RGS8: variants seen among roughly 807,000 people sequenced by gnomAD.
RGS8 encodes the protein regulator of G protein signaling 8.
A neutral mutation model predicts 21.7 loss-of-function variants in RGS8; 8 were observed. The ratio of observed to expected loss-of-function variants is 0.37; its 90% CI spans 0.22 to 0.66. The LOEUF is 0.66. Ranked by LOEUF, RGS8 falls within the 30% of genes least tolerant of loss-of-function variation. RGS8 has a pLI of 0.59. For synonymous variants in RGS8, 80 were observed against 83.6 expected (o/e 0.96, Z 0.24); for missense variants, 157 against 217.9 (o/e 0.72, Z 1.76).
At chr1:182,715,778 C>T in the RGS8 span, among the ~76,000 whole-genome samples, 32 of 152,260 alleles carry the variant, frequency 2.1e-4, no homozygotes, top group African/African-American at 7.2e-4. Context: ...AGAATTGTGG[C>T]TTTTCTCGGC....
chr1:182,691,884 G>A, the RGS8 span, among the ~76,000 whole-genome samples: 1 of 152,054 alleles, frequency 6.6e-6, no homozygotes, highest in Non-Finnish European at 1.5e-5. Flanking sequence ...TCTCTTCACA[G>A]ACAATATAAT....
the RGS8 span, among the ~76,000 whole-genome samples, chr1:182,741,352 C>T: frequency 2.1e-5 from 2 of 95,800 alleles, no homozygotes; most frequent in Non-Finnish European, 4.2e-5. Context: ...GCTGGCCGGG[C>T]GGGGGGGCTG....
chr1:182,705,130 C>T, the RGS8 span, among the ~76,000 whole-genome samples: 19 of 152,048 alleles, frequency 1.2e-4, no homozygotes, highest in Non-Finnish European at 2.5e-4. Flanking sequence ...AAAATAAATT[C>T]ATTATGAGAG....
intron 1 of RGS8, among the ~76,000 whole-genome samples, chr1:182,678,484 G>A (rs1664440432): frequency 6.6e-6 from 1 of 152,178 alleles, no homozygotes; most frequent in Non-Finnish European, 1.5e-5. Context: ...GAGGTTTAGA[G>A]TGGGTATAAC....
At chr1:182,685,181 G>A (rs1004779418), upstream of RGS8, among the ~76,000 whole-genome samples, 1 of 152,070 alleles carries the variant, frequency 6.6e-6, no homozygotes, top group Non-Finnish European at 1.5e-5. Context: ...AAGCCTGACT[G>A]TCCCCTCGAC....
the RGS8 span, among the ~76,000 whole-genome samples, chr1:182,720,479 C>A: frequency 2.6e-5 from 4 of 152,158 alleles, no homozygotes; most frequent in African/African-American, 7.2e-5. Flanking sequence ...TATCTCATTT[C>A]TCTGCTCAAA....
At chr1:182,648,763 C>T (rs1662835586) in intron 5 of RGS8, among the ~76,000 whole-genome samples, 1 of 151,910 alleles carries the variant, frequency 6.6e-6, no homozygotes. Context: ...ACCCCATTCT[C>T]TTAGACACAA....
At chr1:182,731,502 A>G in the RGS8 span, among the ~76,000 whole-genome samples, 1 of 152,236 alleles carries the variant, frequency 6.6e-6, no homozygotes, top group Non-Finnish European at 1.5e-5. Flanking sequence ...AAAAGATGAA[A>G]AAGTCTTCTT....
intron 1 of RGS8, among the ~76,000 whole-genome samples, chr1:182,678,346 G>A (rs1664436522): frequency 1.3e-5 from 2 of 152,200 alleles, no homozygotes; most frequent in South Asian, 4.1e-4. Context: ...AATACAGAAG[G>A]AGGAGACTAT....
At chr1:182,738,908 G>GA in the RGS8 span, among the ~76,000 whole-genome samples, 1 of 152,224 alleles carries the variant, frequency 6.6e-6, no homozygotes, top group Middle Eastern at 3.2e-3. Context: ...GCAAGAGGAT[G>GA]AAGGTCGATG....
intron 6 of RGS8, among the ~76,000 whole-genome samples, chr1:182,647,609 A>C (rs1662763401): frequency 6.6e-6 from 1 of 152,234 alleles, no homozygotes; most frequent in East Asian, 1.9e-4. Flanking sequence ...AAGTATAATT[A>C]AATAATGTAA....
intron 5 of RGS8, among the ~76,000 whole-genome samples, chr1:182,663,055 A>G (rs1314241634): frequency 1.3e-5 from 2 of 152,150 alleles, no homozygotes; most frequent in Non-Finnish European, 2.9e-5. Flanking sequence ...TAGACTCCTG[A>G]ACATTTTTTT....
At chr1:182,716,791 C>T in the RGS8 span, among the ~76,000 whole-genome samples, 1 of 152,050 alleles carries the variant, frequency 6.6e-6, no homozygotes, top group African/African-American at 2.4e-5. Flanking sequence ...TTCTGTGCCT[C>T]GGATCATCAT....
intron 5 of RGS8, among the ~76,000 whole-genome samples, chr1:182,661,808 TCACA>T (rs71127312): frequency 0.056 from 7,459 of 132,342 alleles, 308 homozygotes; most frequent in African/African-American, 0.13. Flanking sequence ...GTACACACAT[TCACA>T]CACACACACA....
chr1:182,662,698 T>C (rs1663652179), intron 5 of RGS8, among the ~76,000 whole-genome samples: 2 of 152,224 alleles, frequency 1.3e-5, no homozygotes, highest in South Asian at 4.1e-4. Context: ...ATTTGGAATC[T>C]TGAGGCCACC....
chr1:182,647,911 T>A (rs185956746), intron 6 of RGS8, among the ~76,000 whole-genome samples: 1 of 152,254 alleles, frequency 6.6e-6, no homozygotes, highest in Non-Finnish European at 1.5e-5. Context: ...TGCTAGCACA[T>A]GTTTAACTGA....
the RGS8 span, among the ~76,000 whole-genome samples, chr1:182,723,932 C>T: frequency 1.3e-5 from 2 of 151,786 alleles, no homozygotes; most frequent in African/African-American, 4.8e-5. Flanking sequence ...GCCCCCAAAA[C>T]GAGAATAGGT....
upstream of RGS8, among the ~76,000 whole-genome samples, chr1:182,677,079 A>T (rs901919596): frequency 6.6e-6 from 1 of 152,150 alleles, no homozygotes; most frequent in African/African-American, 2.4e-5. Context: ...ACAAAAAAAA[A>T]GTTTCCTAAT....
the RGS8 span, among the ~76,000 whole-genome samples, chr1:182,718,934 C>A: frequency 1.3e-5 from 2 of 152,168 alleles, no homozygotes; most frequent in East Asian, 3.8e-4. Flanking sequence ...GGAAATGGGA[C>A]ATTTTAATGG....
Sources: gnomAD v4.1 joint callset for allele counts (sites outside exome capture counted in the v4.1 genomes callset) on GRCh38, gnomAD v4.1.1 for gene constraint, MANE v1.5 for transcripts, NCBI Gene and HGNC (gene_info 2026-07-23, HGNC 2026-07-21) for gene names.